The following LIMK1 variants were observed in gnomAD, a reference collection of about 807,000 sequenced individuals.
The protein encoded by LIMK1 is LIM domain kinase 1, also known as LIM motif-containing protein kinase.
A neutral mutation model predicts 77.6 loss-of-function variants in LIMK1; 21 were observed. That is an observed-to-expected ratio of 0.27 (90% confidence interval 0.19 to 0.39). LIMK1 has a LOEUF of 0.39. Among genes scored for constraint, LIMK1 ranks in the 10% least tolerant of loss-of-function variants. LIMK1 has a pLI of 1.00. For synonymous variants in LIMK1, 358 were observed against 370.0 expected (o/e 0.97, Z 0.37); for missense variants, 696 against 901.6 (o/e 0.77, Z 2.92).
intron 5 of LIMK1, among the ~76,000 whole-genome samples, chr7:74,101,982 C>T (rs1554696646): frequency 6.6e-6 from 1 of 152,088 alleles, no homozygotes; most frequent in Non-Finnish European, 1.5e-5. Flanking sequence ...CACCACCACA[C>T]CCAGCTAATT....
Position 74,106,588 on chromosome 7 carries a change from CATCT to C in LIMK1, c.881+346_881+349del, listed in dbSNP as rs545880057. Among the ~76,000 whole-genome samples, 13 of 152,256 alleles carry C rather than the reference CATCT, an allele frequency of 8.5e-5. 1 individual carries two copies. The South Asian group carries it at 2.7e-3, about 32-fold the overall frequency. ...CCAGCCTGGCCAACATGGGAAACCT[CATCT>C]TTACTGAAAATACAAAAATTAGCCG... On this transcript the variant is annotated intron_variant, in intron 7 of 15. Transcript: ENST00000336180.
chr7:74,097,051 G>A, intron 3 of LIMK1, 29 bp from the exon 4 acceptor site: 1 of 1,544,952 alleles, frequency 6.5e-7, no homozygotes, highest in South Asian at 1.2e-5. Context: ...CTGCTGAGCT[G>A]GGCTGTTCCC....
intron 8 of LIMK1, 116 bp downstream of exon 8, chr7:74,107,309 C>T (rs993225063): frequency 2.6e-6 from 3 of 1,141,328 alleles, no homozygotes; most frequent in East Asian, 2.6e-5. Context: ...ACTCCCTGGC[C>T]AGTGCCCTCT....
At chr7:74,111,903 G>GC (rs1455868083) in intron 11 of LIMK1, 30 bp from the exon 12 acceptor site, 2 of 1,595,740 alleles carry the variant, frequency 1.3e-6, no homozygotes, top group African/African-American at 1.3e-5. Flanking sequence ...CTGCACAGCT[G>GC]CCCCCTGACT....
intron 5 of LIMK1, among the ~76,000 whole-genome samples, chr7:74,101,013 A>G (rs2855725): frequency 0.11 from 16,060 of 151,386 alleles, 856 homozygotes; most frequent in South Asian, 0.12. Context: ...CTGCGATTAC[A>G]GGCATGAGCC....
chr7:74,103,146 G>T (rs1295839440), intron 5 of LIMK1, among the ~76,000 whole-genome samples: 1 of 151,900 alleles, frequency 6.6e-6, no homozygotes, highest in East Asian at 1.9e-4. Context: ...GGGTTTACAG[G>T]CATGAGCCAC....
chr7:74,093,302 A>G (rs900389258), intron 2 of LIMK1: 6 of 1,535,756 alleles, frequency 3.9e-6, no homozygotes, highest in Non-Finnish European at 4.4e-6. Context: ...AGGGCTAAGT[A>G]AGTGGGAATC....
intron 14 of LIMK1, 36 bp from the exon 15 acceptor site, chr7:74,120,855 GC>G: frequency 1.9e-6 from 3 of 1,612,706 alleles, no homozygotes; most frequent in Non-Finnish European, 2.5e-6. Context: ...CAGGCTGAGG[GC>G]CCCCTGGAGT....
At chr7:74,120,664 G>A in intron 14 of LIMK1, 26 bp downstream of exon 14, 1 of 1,613,418 alleles carries the variant, frequency 6.2e-7, no homozygotes. Flanking sequence ...GGTAGCAGCG[G>A]TGTTGAGGCC....
chr7:74,099,221 C>A lies in LIMK1; in HGVS notation c.591C>A (p.His197Gln). 6.2e-7 allele frequency: 1 copy of A among 1,606,218 alleles called. No homozygotes were observed. Among genetic ancestry groups the A allele is most frequent in the Non-Finnish European group, 8.5e-7 (1 of 1,179,968 alleles). Residue 197 changes from histidine (H) to glutamine (Q), a missense_variant, in exon 5 of 16, where the codon CAC (histidine) becomes CAA (glutamine). Around this residue, in one of 3 missense-constraint regions of LIMK1, gnomAD observed 252 missense variants for 279.4 expected, o/e 0.90. Transcript: ENST00000336180. ...GPPGCGTEHSHTVRVQGVDPG... is the reference protein window; with the variant it reads ...GPPGCGTEHSQTVRVQGVDPG... ...CGGGCTGTGGCACCGAGCACTCACA[C>A]ACCGTCCGCGTCCAGGGGTGAGTGG...
intron 2 of LIMK1, 144 bp from the exon 3 acceptor site, chr7:74,096,478 C>A (rs1014902092): frequency 4.7e-6 from 5 of 1,064,130 alleles, no homozygotes; most frequent in Non-Finnish European, 6.7e-6. Flanking sequence ...TGCAGCCTGG[C>A]GACAGAGCAA....
intron 7 of LIMK1, among the ~76,000 whole-genome samples, chr7:74,106,676 C>T (rs1197390104): frequency 1.3e-5 from 2 of 152,150 alleles, no homozygotes; most frequent in Non-Finnish European, 2.9e-5. Context: ...AGATGAATCA[C>T]TTGAACCCAG....
At chr7:74,096,264 GGCC>G (rs1799335005) in intron 2 of LIMK1, among the ~76,000 whole-genome samples, 1 of 151,454 alleles carries the variant, frequency 6.6e-6, no homozygotes, top group African/African-American at 2.4e-5. Flanking sequence ...CGCTTTGGGA[GGCC>G]GAGGTGGGCG....
chr7:74,106,195 A>G lies in LIMK1; in HGVS notation c.833A>G (p.Tyr278Cys). ...PETSPLSSPA[Y>C]TPSGEAGSSA... ...ACCAGCCCCCTGAGCTCTCCGGCTTATACTCCCAGCGGGGAGGCGGGCAGC... is the reference window on the plus strand; with the variant it reads ...ACCAGCCCCCTGAGCTCTCCGGCTTGTACTCCCAGCGGGGAGGCGGGCAGC... Residue 278 changes from tyrosine (Y) to cysteine (C), a missense_variant, in exon 7 of 16, where the codon TAT (tyrosine) becomes TGT (cysteine). By Grantham distance (194) the Tyr-to-Cys change is radical (BLOSUM62 -2). Transcript: ENST00000336180. The G allele has an allele frequency of 6.2e-7, 1 of 1,613,890 alleles. No homozygotes were observed. The highest frequency in any genetic ancestry group is 8.5e-7 in the Non-Finnish European group (1 of 1,180,012).
chr7:74,084,210 G>T (rs1241117460), intron 1 of LIMK1, among the ~76,000 whole-genome samples, 165 bp downstream of exon 1: 1 of 151,568 alleles, frequency 6.6e-6, no homozygotes, highest in Non-Finnish European at 1.5e-5. Flanking sequence ...CTCCCGCCCG[G>T]GATCCCCCTC....
intron 5 of LIMK1, among the ~76,000 whole-genome samples, chr7:74,102,484 C>CTCTGTTTTTTTT (rs1554696729): frequency 1.9e-5 from 1 of 54,042 alleles, no homozygotes; most frequent in Non-Finnish European, 3.5e-5. Context: ...AGGACCTTCT[C>CTCTGTTTTTTTT]TTTTTTTTTT....
chr7:74,116,546 G>T (rs1563924550), intron 13 of LIMK1, among the ~76,000 whole-genome samples: 1 of 152,026 alleles, frequency 6.6e-6, no homozygotes, highest in Admixed American at 6.6e-5. Context: ...GCAGGCTCCG[G>T]GGCACCTGTT....
In LIMK1 at chr7:74,115,826, T is replaced by G. The variant is rs1554699354; in HGVS notation, c.1435T>G (p.Phe479Val). 2 of 1,614,112 alleles carry G rather than the reference T, an allele frequency of 1.2e-6. No homozygotes were observed. Among genetic ancestry groups the G allele is most frequent in the African/African-American group, 2.7e-5 (2 of 75,036 alleles). The change falls in exon 13 of 16, where the codon TTC becomes GTC. Residue 479 changes from phenylalanine to valine, a missense_variant. Physicochemically the swap from Phe to Val is conservative, Grantham distance 50. Coordinates refer to ENST00000336180, the MANE Select transcript of LIMK1 (RefSeq NM_002314.4). ...RENKNVVVAD[F>V]GLARLMVDEK... ...GAACAAGAATGTGGTGGTGGCTGAC[T>G]TCGGGCTGGCGCGTCTCATGGTGGA...
intron 8 of LIMK1, among the ~76,000 whole-genome samples, chr7:74,107,494 A>C (rs1799600863): frequency 6.6e-6 from 1 of 152,048 alleles, no homozygotes; most frequent in South Asian, 2.1e-4. Flanking sequence ...CCAGGAATTC[A>C]AGACCAGCCT....
Sources: allele counts gnomAD v4.1 joint callset (sites outside exome capture counted in the v4.1 genomes callset), GRCh38; gene constraint gnomAD v4.1.1; regional missense constraint gnomAD v4.1.1; transcripts MANE v1.5; gene names NCBI Gene and HGNC (gene_info 2026-07-23, HGNC 2026-07-21).